Variants in LHFPL3 observed in about 807,000 individuals in gnomAD.
The protein encoded by LHFPL3 is LHFPL tetraspan subfamily member 3 protein.
LHFPL3 carries 5 observed loss-of-function variants against 19.3 expected under a neutral mutation model. That is an observed-to-expected ratio of 0.26 (90% CI 0.14 to 0.54). The LOEUF (loss-of-function observed/expected upper bound fraction) is 0.54, where lower values mean the gene tolerates loss of function less well. LHFPL3 is among the 20% of genes least tolerant of loss of function. The pLI is 0.94. For missense variants in LHFPL3, 249 were observed against 307.4 expected (o/e 0.81, Z 1.42); for synonymous variants, 133 against 126.2 (o/e 1.05, Z -0.36).
intron 1 of LHFPL3, among the ~76,000 whole-genome samples, chr7:104,671,571 CA>C (rs34805741): frequency 8.4e-4 from 105 of 125,172 alleles, no homozygotes; most frequent in Non-Finnish European, 9.9e-4. Context: ...CTTTAAAGTT[CA>C]AAAAAAAAAA....
intron 2 of LHFPL3, among the ~76,000 whole-genome samples, chr7:104,874,420 A>C (rs1488882284): frequency 7.0e-6 from 1 of 142,786 alleles, no homozygotes; most frequent in Non-Finnish European, 1.5e-5. Flanking sequence ...GGGGGGACAG[A>C]GTCTCGTTCT....
At chr7:104,426,725 C>A (rs894587379) in intron 1 of LHFPL3, among the ~76,000 whole-genome samples, 1 of 152,168 alleles carries the variant, frequency 6.6e-6, no homozygotes, top group Non-Finnish European at 1.5e-5. Flanking sequence ...GGGAAGAATT[C>A]TTTTTCTCCA....
At chr7:104,672,006 T>G (rs1258194556) in intron 1 of LHFPL3, among the ~76,000 whole-genome samples, 2 of 152,154 alleles carry the variant, frequency 1.3e-5, no homozygotes, top group Non-Finnish European at 2.9e-5. Context: ...AGGAGAAGGT[T>G]TATTCTTTTG....
intron 1 of LHFPL3, among the ~76,000 whole-genome samples, chr7:104,624,218 C>T (rs4730030): frequency 0.72 from 108,786 of 152,048 alleles, 39,806 homozygotes; most frequent in Non-Finnish European, 0.8. Flanking sequence ...ATACAAAACA[C>T]GAGCGTCTAT....
At chr7:104,752,917 T>G (rs78325446) in intron 2 of LHFPL3, 33,178 of 333,750 alleles carry the variant, frequency 0.099, 2,109 homozygotes, top group Non-Finnish European at 0.13. Flanking sequence ...ATCAATATCT[T>G]ACATCAGTGT....
intron 1 of LHFPL3, among the ~76,000 whole-genome samples, chr7:104,363,189 A>C (rs1790423261): frequency 6.6e-6 from 1 of 152,174 alleles, no homozygotes; most frequent in Non-Finnish European, 1.5e-5. Context: ...ATTCCTCCCA[A>C]AGTTAGTTCA....
intron 1 of LHFPL3, among the ~76,000 whole-genome samples, chr7:104,569,660 A>G (rs1035425718): frequency 7.2e-5 from 11 of 152,172 alleles, no homozygotes; most frequent in Admixed American, 1.3e-4. Context: ...ATTCTTAATG[A>G]TGGCTAATAT....
chr7:104,453,906 T>C (rs1318888549), intron 1 of LHFPL3, among the ~76,000 whole-genome samples: 1 of 152,154 alleles, frequency 6.6e-6, no homozygotes, highest in East Asian at 1.9e-4. Flanking sequence ...TCCTGAAGCC[T>C]CCCTGGAAGC....
At chr7:104,374,206 A>ATG (rs200857759) in intron 1 of LHFPL3, among the ~76,000 whole-genome samples, 8 of 81,194 alleles carry the variant, frequency 9.9e-5, no homozygotes, top group Non-Finnish European at 1.7e-4. Flanking sequence ...ATCTATCTAT[A>ATG]TATGTGTGTG....
intron 1 of LHFPL3, among the ~76,000 whole-genome samples, chr7:104,378,864 T>C (rs1292484719): frequency 1.3e-5 from 2 of 152,260 alleles, no homozygotes; most frequent in Admixed American, 1.3e-4. Context: ...ATATTCTTGA[T>C]ACTAGTCCAT....
intron 1 of LHFPL3, among the ~76,000 whole-genome samples, chr7:104,535,650 G>T (rs770055216): frequency 5.3e-5 from 8 of 152,288 alleles, no homozygotes; most frequent in Non-Finnish European, 5.9e-5. Context: ...GTGATTTGTT[G>T]TTTGGCATAT....
chr7:104,557,924 C>T (rs1056825540), intron 1 of LHFPL3, among the ~76,000 whole-genome samples: 5 of 150,220 alleles, frequency 3.3e-5, no homozygotes, highest in Non-Finnish European at 7.4e-5. Flanking sequence ...TGAGAATATG[C>T]GGTGTTTGGT....
At chr7:104,841,773 C>G (rs1412347559) in intron 2 of LHFPL3, among the ~76,000 whole-genome samples, 1 of 152,052 alleles carries the variant, frequency 6.6e-6, no homozygotes, top group East Asian at 1.9e-4. Flanking sequence ...GTTCTATGTT[C>G]CCCTTACTAA....
intron 1 of LHFPL3, among the ~76,000 whole-genome samples, chr7:104,736,365 A>T (rs1185257566): frequency 1.3e-5 from 2 of 152,018 alleles, no homozygotes; most frequent in African/African-American, 4.8e-5. Context: ...TGCACCCCAA[A>T]ATTCCATTTC....
intron 2 of LHFPL3, among the ~76,000 whole-genome samples, chr7:104,834,474 T>C (rs1228702432): frequency 6.6e-6 from 1 of 152,000 alleles, no homozygotes; most frequent in Non-Finnish European, 1.5e-5. Flanking sequence ...CTTCTGACCT[T>C]AAATATTCTG....
chr7:104,495,260 T>G (rs1793439190), intron 1 of LHFPL3, among the ~76,000 whole-genome samples: 1 of 152,138 alleles, frequency 6.6e-6, no homozygotes, highest in Non-Finnish European at 1.5e-5. Flanking sequence ...AACGTTGGAG[T>G]GCAGTGGCTC....
chr7:104,670,457 A>G (rs1227040042), intron 1 of LHFPL3, among the ~76,000 whole-genome samples: 1 of 152,222 alleles, frequency 6.6e-6, no homozygotes, highest in East Asian at 1.9e-4. Flanking sequence ...TGAAACCTTG[A>G]AACTAAAAAT....
rs1792349665 is a variant in LHFPL3, at chr7:104,895,957, G to A, written c.683-10230G>A. 2 of 152,264 alleles carry A rather than the reference G, an allele frequency of 1.3e-5. 1 individual carries two copies. Among genetic ancestry groups the A allele is most frequent in the South Asian group, 4.1e-4 (2 of 4,830 alleles). 9.4% of individuals were successfully genotyped at this position (152,264 alleles called of 1,614,324 possible). On this transcript the variant is annotated intron_variant, in intron 2 of 2. Transcript: ENST00000424859. Reference sequence around the variant, plus strand: ...GGAAGTCCAAGATCAAGGTGTGACAGGTTCGATTTCTCCTGAGGCCCCTCT... The same window carrying A: ...GGAAGTCCAAGATCAAGGTGTGACAAGTTCGATTTCTCCTGAGGCCCCTCT...
At chr7:104,546,620 GTTC>G (rs1794581665) in intron 1 of LHFPL3, among the ~76,000 whole-genome samples, 1 of 152,202 alleles carries the variant, frequency 6.6e-6, no homozygotes, top group South Asian at 2.1e-4. Flanking sequence ...TATTGCTAAT[GTTC>G]TTAATATAGC....
Sources: gnomAD v4.1 joint callset for allele counts (sites outside exome capture counted in the v4.1 genomes callset) on GRCh38, gnomAD v4.1.1 for gene constraint, MANE v1.5 for transcripts, NCBI Gene and HGNC (gene_info 2026-07-23, HGNC 2026-07-21) for gene names.